Variants in FBXW8 observed in about 807,000 individuals in gnomAD.
FBXW8 encodes F-box and WD repeat domain containing 8.
Under a neutral mutation model 65.3 loss-of-function variants are expected in FBXW8, and 57 were observed. The ratio of observed to expected loss-of-function variants is 0.87; its 90% CI spans 0.71 to 1.09. The LOEUF (loss-of-function observed/expected upper bound fraction) is 1.09, where lower values mean the gene tolerates loss of function less well. Among genes scored for constraint, FBXW8 ranks in the 50% least tolerant of loss-of-function variants. The probability of loss-of-function intolerance (pLI) is 0.00; values close to 1 mark genes in which losing one functional copy is unlikely to be tolerated. For synonymous variants in FBXW8, 308 were observed against 330.2 expected (o/e 0.93, Z 0.73); for missense variants, 777 against 814.8 (o/e 0.95, Z 0.57).
intron 5 of FBXW8, among the ~76,000 whole-genome samples, chr12:116,974,557 C>A (rs950818372): frequency 6.6e-6 from 1 of 152,166 alleles, no homozygotes; most frequent in Non-Finnish European, 1.5e-5. Context: ...GAATAAACTT[C>A]CATACTATTT....
chr12:117,018,320 A>G (rs1381219538), intron 8 of FBXW8, among the ~76,000 whole-genome samples: 4 of 152,350 alleles, frequency 2.6e-5, no homozygotes, highest in African/African-American at 9.6e-5. Context: ...AAGTTGATGA[A>G]ATACTCGCTA....
rs555216212 is a variant in FBXW8, at chr12:116,948,339, C to T, written c.589-1279C>T. 2.6e-5 allele frequency among the ~76,000 whole-genome samples: 4 copies of T among 152,284 alleles called. No homozygotes were observed. The South Asian group carries it at 8.3e-4, about 32-fold the overall frequency. ...ACACAGCTGACTCCCAGATCCTTGC[C>T]TTCCCTCCCCATATCTCCACTTGTA... On this transcript the variant is annotated intron_variant, in intron 3 of 10. Coordinates refer to ENST00000652555, the MANE Select transcript of FBXW8 (RefSeq NM_153348.3).
rs1228645338 is a variant in FBXW8, at chr12:117,027,409, C to T, written c.1557C>T (p.His519=). 1 of 1,613,934 alleles carries T rather than the reference C, an allele frequency of 6.2e-7. No homozygotes were observed. The highest frequency in any genetic ancestry group is 1.1e-5 in the South Asian group (1 of 91,080). ...TGCCTTCCAGGCACCCGGTGCAGCA[C>T]ATCTCATTCAGCAGCCACAGCCTCA... is the stretch of plus-strand genomic sequence containing the variant. ...WEVYSGHPVQ[H]ISFSSHSLIT... Residue 519 remains histidine (H), a synonymous_variant, in exon 10 of 11, where the codon CAC becomes CAT. Transcript: ENST00000652555.
intron 8 of FBXW8, among the ~76,000 whole-genome samples, chr12:117,011,915 A>C (rs1272546267): frequency 6.6e-6 from 1 of 152,236 alleles, no homozygotes; most frequent in Non-Finnish European, 1.5e-5. Flanking sequence ...AATTTGCAGC[A>C]AGCCAAGTAC....
At chr12:116,937,510 T>C (rs544104816) in intron 2 of FBXW8, among the ~76,000 whole-genome samples, 194 of 152,204 alleles carry the variant, frequency 1.3e-3, no homozygotes, top group Middle Eastern at 6.8e-3. Context: ...ATGGGATAAA[T>C]GTTTTCCAGG....
intron 1 of FBXW8, among the ~76,000 whole-genome samples, chr12:116,914,542 C>T (rs114926776): frequency 0.022 from 2,932 of 132,792 alleles, 83 homozygotes; most frequent in African/African-American, 0.068. Flanking sequence ...CACTGCACTC[C>T]GGCCTAGGTG....
At chr12:116,928,713 A>G (rs1881534361) in intron 2 of FBXW8, among the ~76,000 whole-genome samples, 1 of 152,038 alleles carries the variant, frequency 6.6e-6, no homozygotes, top group Non-Finnish European at 1.5e-5. Flanking sequence ...ATGGTGGGAG[A>G]TATCATTTAG....
chr12:116,958,816 T>C (rs566981209), intron 4 of FBXW8, among the ~76,000 whole-genome samples: 16 of 152,338 alleles, frequency 1.1e-4, no homozygotes, highest in African/African-American at 3.8e-4. Context: ...CCCCAACCAG[T>C]AGTGATCATG....
At chr12:117,012,844 G>A (rs1351535142) in intron 8 of FBXW8, among the ~76,000 whole-genome samples, 1 of 151,886 alleles carries the variant, frequency 6.6e-6, no homozygotes, top group Non-Finnish European at 1.5e-5. Context: ...AACTCTAAAG[G>A]TACATAAAAC....
At chr12:117,022,623 C>G (rs1954126351) in intron 8 of FBXW8, among the ~76,000 whole-genome samples, 1 of 152,116 alleles carries the variant, frequency 6.6e-6, no homozygotes, top group Non-Finnish European at 1.5e-5. Flanking sequence ...CCACTACACT[C>G]CAGCCTGGGT....
rs143373514 is a variant in FBXW8 at position 116,941,802 on chromosome 12, A to C, written c.424-3562A>C. Among the ~76,000 whole-genome samples, 140 of 152,000 alleles carry C rather than the reference A, an allele frequency of 9.2e-4. 1 individual carries two copies. Among genetic ancestry groups the C allele is most frequent in the African/African-American group, 3.2e-3 (134 of 41,436 alleles). On this transcript the variant is annotated intron_variant, in intron 2 of 10. Transcript: ENST00000652555. ...AGATATTGTCTAGTATGCTATTTAA[A>C]TTTCTTTACTCTGTTTTTTGAGTTA...
chr12:116,912,528 C>T (rs1436284639), intron 1 of FBXW8, among the ~76,000 whole-genome samples: 3 of 147,808 alleles, frequency 2.0e-5, no homozygotes, highest in African/African-American at 5.1e-5. Context: ...GGCGCGATCT[C>T]GGCTCACTGC....
At chr12:116,920,363 T>G (rs1220527182) in intron 1 of FBXW8, among the ~76,000 whole-genome samples, 2 of 152,228 alleles carry the variant, frequency 1.3e-5, no homozygotes, top group African/African-American at 4.8e-5. Flanking sequence ...ATTAAGTGTC[T>G]TCTTGGTACC....
rs76600010 is a variant in FBXW8 at position 116,921,399 on chromosome 12, G to A, written c.319-6624G>A. Among the ~76,000 whole-genome samples, 911 of 152,264 alleles carry A rather than the reference G, an allele frequency of 6.0e-3. 5 individuals are homozygous for A. Among genetic ancestry groups the A allele is most frequent in the African/African-American group, 0.021 (853 of 41,544 alleles). On this transcript the variant is annotated intron_variant, in intron 1 of 10. Coordinates refer to ENST00000652555, the MANE Select transcript of FBXW8 (RefSeq NM_153348.3). Reference sequence around the variant, plus strand: ...TTGTGGACTGCTTGGGAGCTTAGCCGCTCTTTGTAGCATTGTTTGTTTGGA... The same window carrying A: ...TTGTGGACTGCTTGGGAGCTTAGCCACTCTTTGTAGCATTGTTTGTTTGGA...
chr12:116,954,085 G>A (rs1303961977), intron 4 of FBXW8, among the ~76,000 whole-genome samples: 3 of 139,078 alleles, frequency 2.2e-5, no homozygotes, highest in African/African-American at 8.1e-5. Context: ...TTGCATTCCA[G>A]CCTGGGCGAC....
rs983667890 is a variant in FBXW8, at chr12:116,961,566, G to C, written c.678-3131G>C. ...AAAATTTCATTCAATAAGGTGTTAA[G>C]ATGTAAGACTTTATAGAGGGTTCTC... On this transcript the variant is annotated intron_variant, in intron 4 of 10. Transcript: ENST00000652555. This position sits in a 1 kb window ranked among gnomAD's most constrained non-coding sequence, Gnocchi z 4.4. Among the ~76,000 whole-genome samples the C allele has an allele frequency of 2.6e-5, 4 of 152,172 alleles. No homozygotes were observed. The highest frequency in any genetic ancestry group is 7.2e-5 in the African/African-American group (3 of 41,430).
intron 7 of FBXW8, among the ~76,000 whole-genome samples, chr12:117,007,742 G>A (rs1953712144): frequency 6.6e-6 from 1 of 152,182 alleles, no homozygotes; most frequent in South Asian, 2.1e-4. Context: ...GGGAGAGTGT[G>A]AGCATGAATA....
At chr12:116,951,246 T>C (rs1410089360) in intron 4 of FBXW8, 2 of 152,244 alleles carry the variant, frequency 1.3e-5, no homozygotes, top group African/African-American at 4.8e-5. Context: ...AAACCTTACG[T>C]TGATGGCTTA....
chr12:117,023,425 T>C (rs914647529), intron 8 of FBXW8, among the ~76,000 whole-genome samples: 20 of 152,338 alleles, frequency 1.3e-4, no homozygotes, highest in African/African-American at 4.8e-4. Flanking sequence ...TGGCTTATTG[T>C]AGAAACCAAG....
Sources: gnomAD v4.1 joint callset for allele counts (sites outside exome capture counted in the v4.1 genomes callset) on GRCh38, gnomAD v4.1.1 for gene constraint, Gnocchi (gnomAD v3.1) non-coding constraint, MANE v1.5 for transcripts, NCBI Gene and HGNC (gene_info 2026-07-23, HGNC 2026-07-21) for gene names.